UACA: variants seen among roughly 807,000 people sequenced by gnomAD.
UACA encodes uveal autoantigen with coiled-coil domains and ankyrin repeats.
Under a neutral mutation model 160.5 loss-of-function variants are expected in UACA, and 112 were observed. The observed-to-expected ratio is 0.70, with a 90% CI of 0.60 to 0.82. The LOEUF is 0.82. UACA is among the 40% of genes least tolerant of loss of function. The pLI, the probability that UACA is intolerant of heterozygous loss-of-function variation, is 0.00. For missense variants in UACA, 1,574 were observed against 1,614.6 expected, an observed-to-expected ratio of 0.97 and a Z score of 0.43; for synonymous variants, 557 against 568.4, an observed-to-expected ratio of 0.98 and a Z score of 0.29.
At chr15:70,692,782 C>T (rs957779375) in intron 3 of UACA, among the ~76,000 whole-genome samples, 2 of 152,026 alleles carry the variant, frequency 1.3e-5, no homozygotes, top group African/African-American at 4.8e-5. Flanking sequence ...AAAACAAAAA[C>T]AAAAACACCA....
chr15:70,702,256 C>T lies in UACA; in HGVS notation c.79-2596G>A, dbSNP rs1387562758. 5 of 1,062,234 alleles carry T rather than the reference C, an allele frequency of 4.7e-6. No individual in the cohort carries two copies. The African/African-American group carries it at 6.7e-5, about 14-fold the overall frequency. The allele number at this position is 1,062,234 out of a possible 1,614,324, so 65.8% of individuals were successfully genotyped here. ...GGACCCCACTGGAAAACTTGAACAGCACTCTGCATCCTGCTGCCTCAACAC... is the reference window on the plus strand; with the variant it reads ...GGACCCCACTGGAAAACTTGAACAGTACTCTGCATCCTGCTGCCTCAACAC... On this transcript the variant is annotated intron_variant, in intron 1 of 18. Transcript: ENST00000322954.
Position 70,668,839 on chromosome 15 carries a change from C to T in UACA, c.1845G>A (p.Gln615=), listed in dbSNP as rs1897033044. 6.2e-7 allele frequency: 1 copy of T among 1,613,804 alleles called. No individual in the cohort carries two copies. Among genetic ancestry groups the T allele is most frequent in the East Asian group, 2.2e-5 (1 of 44,876 alleles). The change falls in exon 16 of 19, where the codon CAG becomes CAA. Residue 615 remains glutamine (Q), a synonymous_variant. Coordinates refer to ENST00000322954, the MANE Select transcript of UACA (RefSeq NM_018003.4). ...CCAACTTCGCTGACAATTCTTTTGC[C>T]TGGCCTTCCATCTCTGTGACCTTTC... ...KGRKVTEMEG[Q]AKELSAKLAL...
chr15:70,712,460 A>G (rs1898711996), intron 1 of UACA, among the ~76,000 whole-genome samples: 2 of 152,096 alleles, frequency 1.3e-5, no homozygotes, highest in African/African-American at 4.8e-5. Flanking sequence ...TGCGGTCAGT[A>G]ATTTTTCTAA....
In UACA at chr15:70,671,101, T is replaced by G; in HGVS notation, c.1169-10A>C. ...AGCATATCTTCTTTTCCTAAATAAA[T>G]GCAAATGAATGACATTTTAACTTCA... On this transcript the variant is annotated splice_polypyrimidine_tract_variant and intron_variant, in intron 14 of 18. Transcript: ENST00000322954. 6.4e-7 allele frequency: 1 copy of G among 1,574,490 alleles called. No homozygotes were observed. Among genetic ancestry groups the G allele is most frequent in the Non-Finnish European group, 8.7e-7 (1 of 1,151,344 alleles).
intron 17 of UACA, chr15:70,660,959 T>C (rs1337347129): frequency 6.6e-6 from 1 of 152,214 alleles, no homozygotes; most frequent in Non-Finnish European, 1.5e-5. Flanking sequence ...ACATAGCTTA[T>C]ATAGGGTTCA....
chr15:70,764,744 A>G (rs555547766), upstream of UACA, among the ~76,000 whole-genome samples: 2 of 152,318 alleles, frequency 1.3e-5, no homozygotes, highest in South Asian at 4.1e-4. Context: ...ATATTATTAA[A>G]TTTCATCTTG....
Position 70,666,822 on chromosome 15 carries a change from C to T in UACA, c.3862G>A (p.Asp1288Asn). ...LHFSIEQEIKDQKERCDKSLT... is the reference protein window; with the variant it reads ...LHFSIEQEIKNQKERCDKSLT... ...GACTTATCACATCGTTCCTTCTGAT[C>T]CTTAATTTCTTGCTCAATGCTGAAA... The change falls in exon 16 of 19, where the codon GAT becomes AAT. Residue 1288 changes from aspartate to asparagine, a missense_variant. Physicochemically the swap from Asp to Asn is conservative, Grantham distance 23 (BLOSUM62 1). Transcript: ENST00000322954. 6.2e-7 allele frequency: 1 copy of T among 1,613,844 alleles called. No individual in the cohort carries two copies. Among genetic ancestry groups the T allele is most frequent in the Non-Finnish European group, 8.5e-7 (1 of 1,179,936 alleles).
In UACA at chr15:70,697,927, G is replaced by T. The variant is rs190871676; in HGVS notation, c.212+1600C>A. Among the ~76,000 whole-genome samples the T allele has an allele frequency of 2.3e-3, 343 of 152,230 alleles. 3 individuals are homozygous for T. The highest frequency in any genetic ancestry group is 8.1e-3 in the African/African-American group (338 of 41,550). Reference sequence around the variant, plus strand: ...TAGCCAGGGGTGGTGGTGCATTCCTGCAATCCCAGCTACTCAGGAGGCTGA... The same window carrying T: ...TAGCCAGGGGTGGTGGTGCATTCCTTCAATCCCAGCTACTCAGGAGGCTGA... On this transcript the variant is annotated intron_variant, in intron 2 of 18. Coordinates refer to ENST00000322954, the MANE Select transcript of UACA (RefSeq NM_018003.4).
rs761042400 is a variant in UACA at position 70,667,021 on chromosome 15, T to C, written c.3663A>G (p.Arg1221=). The change falls in exon 16 of 19, where the codon AGA becomes AGG. Residue 1221 remains arginine, a synonymous_variant. Transcript: ENST00000322954. ...TKQALKKLET[R]EVVDLSKYKA... ...TATATTTAGACAAGTCAACTACCTCTCTAGTCTCTAATTTTTTTAATGCTT... is the reference window on the plus strand; with the variant it reads ...TATATTTAGACAAGTCAACTACCTCCCTAGTCTCTAATTTTTTTAATGCTT... 1.9e-6 allele frequency: 3 copies of C among 1,613,544 alleles called. No individual in the cohort carries two copies. Among genetic ancestry groups the C allele is most frequent in the Non-Finnish European group, 2.5e-6 (3 of 1,179,916 alleles).
chr15:70,767,803 A>G (rs1247753948), upstream of UACA, among the ~76,000 whole-genome samples: 1 of 152,116 alleles, frequency 6.6e-6, no homozygotes, highest in African/African-American at 2.4e-5. Context: ...CCATGACATC[A>G]GTCATTCTCT....
intron 1 of UACA, among the ~76,000 whole-genome samples, chr15:70,700,948 T>C (rs151252133): frequency 3.8e-4 from 58 of 152,156 alleles, no homozygotes; most frequent in African/African-American, 1.3e-3. Context: ...TAATTTTATA[T>C]CTACTATTCC....
intron 1 of UACA, among the ~76,000 whole-genome samples, chr15:70,762,517 C>A (rs753189252): frequency 9.2e-5 from 14 of 152,186 alleles, no homozygotes; most frequent in Non-Finnish European, 2.9e-5. Flanking sequence ...TGCGGTCAGG[C>A]TGTTTCTCAA....
chr15:70,664,103 T>C lies in UACA; in HGVS notation c.4113+559A>G, dbSNP rs531317352. Among the ~76,000 whole-genome samples, 7 of 152,306 alleles carry C rather than the reference T, an allele frequency of 4.6e-5. No homozygotes were observed. The East Asian group carries it at 9.6e-4, about 21-fold the overall frequency. ...AACCAAGAGTTAAAGGGAATGTTCC[T>C]TGCCACTTCCTTGTAAGTGGCAGGA... On this transcript the variant is annotated intron_variant, in intron 17 of 18. Transcript: ENST00000322954.
chr15:70,689,146 C>T (rs1291118791), intron 5 of UACA, among the ~76,000 whole-genome samples: 4 of 152,114 alleles, frequency 2.6e-5, no homozygotes, highest in Admixed American at 6.6e-5. Context: ...AATACGGCTA[C>T]GACCACAACT....
intron 1 of UACA, chr15:70,702,359 C>T (rs1245254355): frequency 7.1e-6 from 7 of 979,098 alleles, no homozygotes; most frequent in African/African-American, 1.8e-5. Context: ...GCCTGTCTCC[C>T]ATTGGTTGAG....
Position 70,703,048 on chromosome 15 carries a change from A to G in UACA, c.79-3388T>C, listed in dbSNP as rs916027041. The stretch of plus-strand genomic sequence containing the variant: ...GCAAATACACATTAGACAACGAGCT[A>G]GACTATTAAAAAAATCTCCATTTGG... On this transcript the variant is annotated intron_variant, in intron 1 of 18. Coordinates refer to ENST00000322954, the MANE Select transcript of UACA (RefSeq NM_018003.4). The G allele has an allele frequency of 4.0e-6, 5 of 1,253,160 alleles. No homozygotes were observed. In the African/African-American group the frequency reaches 4.6e-5, roughly 12 times the overall value. The allele number at this position is 1,253,160 out of a possible 1,614,324, so 77.6% of individuals were successfully genotyped here. A position where few individuals can be genotyped will look rare whatever the true frequency, so the allele number is the denominator to read the frequency against.
At chr15:70,725,498 A>G (rs1006193668) in intron 1 of UACA, among the ~76,000 whole-genome samples, 7 of 152,184 alleles carry the variant, frequency 4.6e-5, no homozygotes, top group African/African-American at 1.7e-4. Context: ...TTTGCCATCA[A>G]TGGTTGTGAA....
chr15:70,667,278 T>G lies in UACA; in HGVS notation c.3406A>C (p.Lys1136Gln). The change falls in exon 16 of 19, where the codon AAG (lysine) becomes CAG (glutamine). Residue 1136 changes from lysine (K) to glutamine (Q), a missense_variant. Lys to Gln is a moderately conservative substitution (Grantham distance 53). Coordinates refer to ENST00000322954, the MANE Select transcript of UACA (RefSeq NM_018003.4). ...TTCTCGTAACACCTTTGCATACTCTTCAGTTCTTCCTTTAGATTTTCAATT... is the reference window on the plus strand; with the variant it reads ...TTCTCGTAACACCTTTGCATACTCTGCAGTTCTTCCTTTAGATTTTCAATT... ...GTIENLKEEL[K>Q]SMQRCYEKEQ... 1 of 1,612,588 alleles carries G rather than the reference T, an allele frequency of 6.2e-7. No homozygotes were observed. Among genetic ancestry groups the G allele is most frequent in the Non-Finnish European group, 8.5e-7 (1 of 1,179,694 alleles).
chr15:70,677,021 T>G (rs992562032), intron 12 of UACA, 87 bp downstream of exon 12: 8 of 988,738 alleles, frequency 8.1e-6, no homozygotes, highest in Non-Finnish European at 1.2e-5. Context: ...CTGGTCTCTA[T>G]CTCAATTCAG....
Sources: allele counts gnomAD v4.1 joint callset (sites outside exome capture counted in the v4.1 genomes callset), GRCh38; gene constraint gnomAD v4.1.1; transcripts MANE v1.5; gene names NCBI Gene and HGNC (gene_info 2026-07-23, HGNC 2026-07-21).